The following TLK1 variants were observed in gnomAD, a reference collection of about 807,000 sequenced individuals.
TLK1 encodes serine/threonine-protein kinase tousled-like 1.
A neutral mutation model predicts 105.3 loss-of-function variants in TLK1; 24 were observed. That is an observed-to-expected ratio of 0.23 (90% CI 0.17 to 0.32). TLK1 has a LOEUF of 0.32. Among genes scored for constraint, TLK1 ranks in the 10% least tolerant of loss-of-function variants. TLK1 has a pLI of 1.00. For synonymous variants in TLK1, 321 were observed against 310.4 expected (o/e 1.03, Z -0.36); for missense variants, 558 against 910.5 (o/e 0.61, Z 4.98).
At chr2:171,150,813 A>G (rs1444658271) in intron 1 of TLK1, among the ~76,000 whole-genome samples, 1 of 151,986 alleles carries the variant, frequency 6.6e-6, no homozygotes, top group Non-Finnish European at 1.5e-5. Context: ...GAACCAATAC[A>G]CTCATTTTTT....
At chr2:171,137,248 C>T (rs1279056109) in intron 1 of TLK1, among the ~76,000 whole-genome samples, 1 of 151,942 alleles carries the variant, frequency 6.6e-6, no homozygotes, top group Non-Finnish European at 1.5e-5. Flanking sequence ...TGCCACTGTA[C>T]TCCAGGCTGG....
At chr2:171,146,700 A>C (rs1691804882) in intron 1 of TLK1, among the ~76,000 whole-genome samples, 2 of 152,236 alleles carry the variant, frequency 1.3e-5, no homozygotes, top group African/African-American at 4.8e-5. Flanking sequence ...CCATTTTAAC[A>C]GCAGTTAAAC....
At chr2:171,161,274 C>T (rs1195766258), upstream of TLK1, among the ~76,000 whole-genome samples, 2 of 151,830 alleles carry the variant, frequency 1.3e-5, no homozygotes, top group Non-Finnish European at 2.9e-5. Context: ...GCGCCTCTCT[C>T]CTGACCCACA....
At chr2:171,088,240 G>T (rs964689089) in intron 2 of TLK1, among the ~76,000 whole-genome samples, 2 of 152,110 alleles carry the variant, frequency 1.3e-5, no homozygotes, top group Admixed American at 6.5e-5. Context: ...GCTAAGGTAG[G>T]AGGATCACTT....
intron 1 of TLK1, among the ~76,000 whole-genome samples, chr2:171,211,084 G>C (rs944948448): frequency 6.6e-6 from 1 of 152,174 alleles, no homozygotes; most frequent in African/African-American, 2.4e-5. Context: ...ACTTTTGGTT[G>C]ATTTCTCTGC....
At chr2:170,999,507 C>G in intron 18 of TLK1, among the ~76,000 whole-genome samples, 1 of 152,144 alleles carries the variant, frequency 6.6e-6, no homozygotes, top group South Asian at 2.1e-4. Flanking sequence ...GGAGAGCAAC[C>G]ACAGAAATTG....
At chr2:171,032,623 T>G (rs2555925) in intron 11 of TLK1, among the ~76,000 whole-genome samples, 6,515 of 152,202 alleles carry the variant, frequency 0.043, 411 homozygotes, top group African/African-American at 0.14. Flanking sequence ...ATATCCTATG[T>G]CCACAGATTG....
chr2:171,129,954 CT>C (rs1483672245), intron 1 of TLK1, among the ~76,000 whole-genome samples: 3 of 152,156 alleles, frequency 2.0e-5, no homozygotes, highest in Non-Finnish European at 4.4e-5. Context: ...TCAACATCAT[CT>C]TTACCATATC....
intron 12 of TLK1, among the ~76,000 whole-genome samples, chr2:171,026,022 C>CATAT (rs1685755741): frequency 6.6e-6 from 1 of 151,972 alleles, no homozygotes; most frequent in Admixed American, 6.6e-5. Context: ...TACTGTTAAT[C>CATAT]CATTTCCCCA....
intron 1 of TLK1, among the ~76,000 whole-genome samples, chr2:171,217,482 C>T (rs576491178): frequency 6.6e-6 from 1 of 152,230 alleles, no homozygotes; most frequent in East Asian, 1.9e-4. Context: ...ACCTCTTTTC[C>T]ATTTCCTTGC....
chr2:171,090,211 CAT>C (rs1451084798), intron 2 of TLK1, among the ~76,000 whole-genome samples: 11 of 152,118 alleles, frequency 7.2e-5, no homozygotes, highest in South Asian at 2.1e-4. Context: ...GATTTAATAA[CAT>C]ATTTATATTA....
chr2:171,008,037 C>T (rs1559338366), intron 14 of TLK1, among the ~76,000 whole-genome samples: 1 of 152,088 alleles, frequency 6.6e-6, no homozygotes, highest in Non-Finnish European at 1.5e-5. Context: ...CACTTAAAAG[C>T]TTACGTATTT....
chr2:171,161,712 C>T (rs887693277), upstream of TLK1, among the ~76,000 whole-genome samples: 3 of 152,116 alleles, frequency 2.0e-5, no homozygotes, highest in Non-Finnish European at 4.4e-5. Flanking sequence ...TTTCTAGAAA[C>T]TTATAATTTG....
chr2:171,132,299 C>T (rs10210791), intron 1 of TLK1, among the ~76,000 whole-genome samples: 59,911 of 151,886 alleles, frequency 0.39, 13,331 homozygotes, highest in African/African-American at 0.58. Context: ...TGTGGGAAAG[C>T]GCCCCCATGA....
chr2:171,170,881 T>G (rs1454448520), intron 1 of TLK1, among the ~76,000 whole-genome samples: 1 of 152,146 alleles, frequency 6.6e-6, no homozygotes, highest in Non-Finnish European at 1.5e-5. Flanking sequence ...AAAGAAAAAC[T>G]TAGAATATTA....
At position 171,093,514 on chromosome 2, in the gene TLK1, T is replaced by C. The variant is rs192288383; in HGVS notation, c.259-10662A>G. On this transcript the variant is annotated intron_variant, in intron 2 of 20. Coordinates refer to ENST00000431350, the MANE Select transcript of TLK1 (RefSeq NM_012290.5). Reference sequence around the variant, plus strand: ...GGAAAGATGTGAAAAACCATATCCATTTAGGGAACCACAAATAGGCTGTTC... The same window carrying C: ...GGAAAGATGTGAAAAACCATATCCACTTAGGGAACCACAAATAGGCTGTTC... 3.3e-5 allele frequency among the ~76,000 whole-genome samples: 5 copies of C among 152,232 alleles called. No individual in the cohort carries two copies. In the East Asian group the frequency reaches 9.7e-4, roughly 29 times the overall value.
intron 1 of TLK1, among the ~76,000 whole-genome samples, chr2:171,178,115 T>C (rs1252209816): frequency 6.6e-6 from 1 of 152,202 alleles, no homozygotes; most frequent in Non-Finnish European, 1.5e-5. Flanking sequence ...TTTGAATGCT[T>C]ACTATATGCT....
intron 1 of TLK1, among the ~76,000 whole-genome samples, chr2:171,190,545 T>C (rs1275917621): frequency 6.6e-6 from 1 of 152,174 alleles, no homozygotes; most frequent in African/African-American, 2.4e-5. Context: ...TACATGACAT[T>C]TCCAACTTAT....
chr2:171,224,439 AT>A (rs139873555), intron 1 of TLK1, among the ~76,000 whole-genome samples: 36 of 150,178 alleles, frequency 2.4e-4, no homozygotes, highest in Middle Eastern at 3.4e-3. Flanking sequence ...AAATTTCATA[AT>A]TTTTTTTTTC....
Sources: gnomAD v4.1 joint callset for allele counts (sites outside exome capture counted in the v4.1 genomes callset) on GRCh38, gnomAD v4.1.1 for gene constraint, MANE v1.5 for transcripts, NCBI Gene and HGNC (gene_info 2026-07-23, HGNC 2026-07-21) for gene names.